GPR149: variants seen among roughly 807,000 people sequenced by gnomAD.
GPR149 encodes probable G protein-coupled receptor 149.
In GPR149, 50 loss-of-function variants were observed where a neutral mutation model predicts 50.2. The observed-to-expected ratio is 1.00, with a 90% confidence interval of 0.79 to 1.26. GPR149 has a LOEUF of 1.26. Ranked by LOEUF, GPR149 falls within the 50% of genes most tolerant of loss-of-function variation. GPR149 has a pLI of 0.00. For synonymous variants in GPR149, 405 were observed against 358.2 expected, an observed-to-expected ratio of 1.13 and a Z score of -1.48; for missense variants, 983 against 895.4, an observed-to-expected ratio of 1.10 and a Z score of -1.25.
At chr3:154,358,048 C>T (rs1449095083) in intron 3 of GPR149, among the ~76,000 whole-genome samples, 2 of 151,864 alleles carry the variant, frequency 1.3e-5, no homozygotes, top group African/African-American at 4.8e-5. Flanking sequence ...GGACAAAAAA[C>T]CAAACACTGC....
rs1313146154 is a variant in GPR149, at chr3:154,427,526, A to G, written c.1164T>C (p.Asp388=). The stretch of plus-strand genomic sequence containing the variant: ...GTGTTGAGGACTTACTTTTTTTCCC[A>G]TCGGACGCCACTGCATATGCGTTCT... ...CRQNAYAVAS[D]GKKIKRKGFE... The change falls in exon 2 of 4, where the codon GAT becomes GAC. Residue 388 remains aspartate (D), a synonymous_variant. Transcript: ENST00000389740. 1.9e-6 allele frequency: 3 copies of G among 1,604,950 alleles called. No homozygotes were observed. Among genetic ancestry groups the G allele is most frequent in the Non-Finnish European group, 2.5e-6 (3 of 1,177,056 alleles).
intron 3 of GPR149, among the ~76,000 whole-genome samples, chr3:154,383,202 T>C (rs1261363619): frequency 6.6e-6 from 1 of 152,078 alleles, no homozygotes; most frequent in Non-Finnish European, 1.5e-5. Context: ...CTGTAGAAGA[T>C]TAAATGAGTT....
intron 3 of GPR149, among the ~76,000 whole-genome samples, chr3:154,360,084 G>T (rs1714344185): frequency 6.6e-6 from 1 of 152,116 alleles, no homozygotes; most frequent in South Asian, 2.1e-4. Context: ...CAGTTGCCCA[G>T]AAAGAAGACG....
rs897150384 is a variant in GPR149 at position 154,428,964 on chromosome 3, A to G, written c.652T>C (p.Cys218Arg). 33 of 1,613,932 alleles carry G rather than the reference A, an allele frequency of 2.0e-5. No homozygotes were observed. The highest frequency in any genetic ancestry group is 2.5e-5 in the Non-Finnish European group (29 of 1,180,000). Reference protein sequence around the residue: ...LSVPLTHRLLCSEEPPRLHSN... With the variant: ...LSVPLTHRLLRSEEPPRLHSN... ...TGGAGTCTCGGCGGCTCCTCCGAACACAGCAATCGGTGAGTGAGTGGGACT... is the reference window on the plus strand; with the variant it reads ...TGGAGTCTCGGCGGCTCCTCCGAACGCAGCAATCGGTGAGTGAGTGGGACT... Residue 218 changes from cysteine (C) to arginine (R), a missense_variant, in exon 1 of 4, where the codon TGT becomes CGT. Physicochemically the swap from Cys to Arg is radical, Grantham distance 180. Transcript: ENST00000389740.
chr3:154,375,262 AACATT>A (rs1166888364), intron 3 of GPR149, among the ~76,000 whole-genome samples: 1 of 152,194 alleles, frequency 6.6e-6, no homozygotes, highest in Non-Finnish European at 1.5e-5. Context: ...TCCATGCCAA[AACATT>A]ACATTTTGTA....
intron 3 of GPR149, among the ~76,000 whole-genome samples, chr3:154,372,572 T>C (rs185043253): frequency 9.3e-4 from 142 of 152,254 alleles, no homozygotes; most frequent in African/African-American, 3.1e-3. Flanking sequence ...GCTATTGTTG[T>C]ATTGGGGATT....
intron 2 of GPR149, 33 bp downstream of exon 2, chr3:154,427,482 AT>A: frequency 6.4e-7 from 1 of 1,556,398 alleles, no homozygotes. Context: ...CCTAATGCAT[AT>A]TGCTGCCAAT....
intron 3 of GPR149, among the ~76,000 whole-genome samples, chr3:154,359,970 G>A (rs1310845453): frequency 6.6e-6 from 1 of 151,802 alleles, no homozygotes; most frequent in Non-Finnish European, 1.5e-5. Flanking sequence ...AACAGTCACA[G>A]ATTCACCAGG....
At chr3:154,375,104 G>C (rs1278863247) in intron 3 of GPR149, among the ~76,000 whole-genome samples, 3 of 152,106 alleles carry the variant, frequency 2.0e-5, no homozygotes, top group Admixed American at 2.0e-4. Flanking sequence ...AATATCACTT[G>C]CTTCCCTTTC....
At position 154,354,812 on chromosome 3, in the gene GPR149, C is replaced by T. The variant is rs899700632; in HGVS notation, c.1624-16541G>A. On this transcript the variant is annotated intron_variant, in intron 3 of 3. Coordinates refer to ENST00000389740, the MANE Select transcript of GPR149 (RefSeq NM_001038705.3). ...GTTTCCCAGGCATTACTGGCCACCA[C>T]CTCCCTCCACGCACAGTGGCCACAA... The T allele has an allele frequency of 4.9e-6, 3 of 608,386 alleles. 1 individual carries two copies. The African/African-American group carries it at 6.1e-5, about 12-fold the overall frequency. 37.7% of individuals were successfully genotyped at this position (608,386 alleles called of 1,614,324 possible). A position where few individuals can be genotyped will look rare whatever the true frequency, so the allele number is the denominator to read the frequency against.
chr3:154,416,470 T>C (rs893500995), intron 3 of GPR149, among the ~76,000 whole-genome samples: 4 of 151,856 alleles, frequency 2.6e-5, no homozygotes, highest in Non-Finnish European at 4.4e-5. Flanking sequence ...CATTAAAACT[T>C]GAGAAGCTCT....
chr3:154,372,097 G>GCCCA (rs1714679536), intron 3 of GPR149, among the ~76,000 whole-genome samples: 1 of 152,084 alleles, frequency 6.6e-6, no homozygotes, highest in African/African-American at 2.4e-5. Flanking sequence ...AACGACTGCC[G>GCCCA]TCCAGTTCCC....
chr3:154,418,009 T>A (rs555436214), intron 3 of GPR149, among the ~76,000 whole-genome samples: 1 of 151,584 alleles, frequency 6.6e-6, no homozygotes, highest in African/African-American at 2.4e-5. Context: ...GCGAAGGACA[T>A]GAACAGACAC....
chr3:154,358,685 C>T (rs701132), intron 3 of GPR149, among the ~76,000 whole-genome samples: 67,373 of 151,858 alleles, frequency 0.44, 15,142 homozygotes, highest in Non-Finnish European at 0.48. Flanking sequence ...TTATGAGTTT[C>T]ATAGACCTTT....
At chr3:154,389,220 T>C (rs774224336) in intron 3 of GPR149, among the ~76,000 whole-genome samples, 40 of 152,152 alleles carry the variant, frequency 2.6e-4, no homozygotes, top group Non-Finnish European at 5.1e-4. Context: ...ATGGAAACAA[T>C]GATTCTATAA....
chr3:154,360,198 G>A (rs1714346269), intron 3 of GPR149, among the ~76,000 whole-genome samples: 1 of 152,176 alleles, frequency 6.6e-6, no homozygotes, highest in Non-Finnish European at 1.5e-5. Context: ...AGTTTCAGGG[G>A]ATCTGTGGTC....
chr3:154,400,815 G>A (rs981272615), intron 3 of GPR149, among the ~76,000 whole-genome samples: 4 of 152,164 alleles, frequency 2.6e-5, no homozygotes, highest in African/African-American at 7.2e-5. Flanking sequence ...TCCAAAGCCC[G>A]TGCTCTACCT....
At chr3:154,417,499 C>G (rs1712021188) in intron 3 of GPR149, among the ~76,000 whole-genome samples, 1 of 151,938 alleles carries the variant, frequency 6.6e-6, no homozygotes, top group African/African-American at 2.4e-5. Flanking sequence ...TAAAAGAGAG[C>G]TCACTAAATA....
intron 3 of GPR149, among the ~76,000 whole-genome samples, chr3:154,419,046 T>G (rs1712067003): frequency 6.6e-6 from 1 of 152,006 alleles, no homozygotes; most frequent in Admixed American, 6.6e-5. Context: ...AAATAAAAAG[T>G]TTTACCTTTC....
Sources: allele counts gnomAD v4.1 joint callset (sites outside exome capture counted in the v4.1 genomes callset), GRCh38; gene constraint gnomAD v4.1.1; transcripts MANE v1.5; gene names NCBI Gene and HGNC (gene_info 2026-07-23, HGNC 2026-07-21).